CASZ1: variants seen among roughly 807,000 people sequenced by gnomAD.
CASZ1 encodes the protein zinc finger protein castor homolog 1.
A neutral mutation model predicts 135.2 loss-of-function variants in CASZ1; 28 were observed. The ratio of observed to expected loss-of-function variants is 0.21; its 90% CI spans 0.15 to 0.28. The LOEUF (loss-of-function observed/expected upper bound fraction) is 0.28. Among genes scored for constraint, CASZ1 ranks in the 10% least tolerant of loss-of-function variants. CASZ1 has a pLI of 1.00. For synonymous variants in CASZ1, 1,068 were observed against 1,073.4 expected (o/e 0.99, Z 0.10); for missense variants, 2,161 against 2,453.3 (o/e 0.88, Z 2.52).
intron 7 of CASZ1, 84 bp downstream of exon 7, chr1:10,658,424 A>G (rs1642882894): frequency 8.9e-7 from 1 of 1,118,398 alleles, no homozygotes; most frequent in East Asian, 2.4e-5. Flanking sequence ...TAGAGGTCAG[A>G]TATCAAACGA....
At chr1:10,737,058 T>C (rs896185535) in intron 2 of CASZ1, among the ~76,000 whole-genome samples, 3 of 152,192 alleles carry the variant, frequency 2.0e-5, no homozygotes, top group African/African-American at 7.2e-5. Flanking sequence ...CGGATGTACA[T>C]GTGCAGTTCA....
chr1:10,758,893 C>T (rs1030282314), intron 2 of CASZ1, among the ~76,000 whole-genome samples: 1 of 152,140 alleles, frequency 6.6e-6, no homozygotes. Flanking sequence ...ACTCGGAGCC[C>T]GTGGAGTTCC....
At chr1:10,743,884 G>T (rs1362425690) in intron 2 of CASZ1, among the ~76,000 whole-genome samples, 2 of 150,404 alleles carry the variant, frequency 1.3e-5, no homozygotes, top group Admixed American at 6.6e-5. Flanking sequence ...GAGAGGAGCG[G>T]GGAGCATGGG....
intron 2 of CASZ1, among the ~76,000 whole-genome samples, chr1:10,740,319 C>G (rs181013962): frequency 1.3e-5 from 2 of 152,238 alleles, no homozygotes; most frequent in African/African-American, 4.8e-5. Flanking sequence ...CAGTGAGGAA[C>G]CTGAAGCCAG....
In CASZ1 at chr1:10,647,861, G is replaced by A. The variant is rs756123520; in HGVS notation, c.3437C>T (p.Thr1146Met). The change falls in exon 16 of 21, where the codon ACG becomes ATG. Residue 1146 changes from threonine to methionine, a missense_variant. Coordinates refer to ENST00000377022, the MANE Select transcript of CASZ1 (RefSeq NM_001079843.3). The surrounding 1 kb of genome is among the most constrained non-coding windows in gnomAD (Gnocchi z 4.9). ...VPHLPASPLA[T>M]TSLENAKPQV... ...GGGCTTGGCGTTCTCTAGAGAAGTC[G>A]TTGCCAAGGGCGAGGCGGGCAGGTG... 9.9e-6 allele frequency: 16 copies of A among 1,613,948 alleles called. No homozygotes were observed. The highest frequency in any genetic ancestry group is 1.3e-5 in the Non-Finnish European group (15 of 1,180,012).
chr1:10,691,139 C>T (rs1440173567), intron 4 of CASZ1, among the ~76,000 whole-genome samples: 2 of 131,702 alleles, frequency 1.5e-5, no homozygotes, highest in Non-Finnish European at 3.2e-5. Context: ...GGAATTTATT[C>T]CCAAACTCTC....
chr1:10,711,562 AGAAAAAATG>A lies in CASZ1; in HGVS notation c.-76-6027_-76-6019del, dbSNP rs1639286156. 6.6e-6 allele frequency among the ~76,000 whole-genome samples: 1 copy of A among 151,414 alleles called. No homozygotes were observed. The highest frequency in any genetic ancestry group is 1.5e-5 in the Non-Finnish European group (1 of 67,956). ...GCAATTCCATTCCCAGGCATATACC[AGAAAAAATG>A]GAAAACAGGTACTCAAAAAAAAAAA... is the stretch of plus-strand genomic sequence containing the variant. On this transcript the variant is annotated intron_variant, in intron 2 of 20. Transcript: ENST00000377022. The surrounding 1 kb of genome is among the most constrained non-coding windows in gnomAD (Gnocchi z 4.4).
intron 1 of CASZ1, among the ~76,000 whole-genome samples, chr1:10,783,338 A>G (rs1640797902): frequency 6.6e-6 from 1 of 150,962 alleles, no homozygotes; most frequent in South Asian, 2.1e-4. Flanking sequence ...CAGGGGCTCT[A>G]CCTCCCAAGA....
At chr1:10,758,306 C>T (rs959953335) in intron 2 of CASZ1, among the ~76,000 whole-genome samples, 2 of 147,562 alleles carry the variant, frequency 1.4e-5, no homozygotes, top group Admixed American at 1.4e-4. Flanking sequence ...CTGACAGACG[C>T]CAGACCCTCT....
intron 2 of CASZ1, among the ~76,000 whole-genome samples, chr1:10,746,519 C>T (rs1640044341): frequency 6.6e-6 from 1 of 152,232 alleles, no homozygotes; most frequent in South Asian, 2.1e-4. Context: ...GCCTTCCCAG[C>T]CCCATGGCTT....
rs963428239 is a variant in CASZ1, at chr1:10,639,143, CTCGTCG to C, written c.5073_5078del (p.Asp1691_Asp1692del). ...CGTCGTCCTCGTCGTCGTCCTCGTC[CTCGTCG>C]TCTTCGGCCTCCTCCTCCGGCAGCT... On this transcript the variant is annotated inframe_deletion, in exon 21 of 21. Coordinates refer to ENST00000377022, the MANE Select transcript of CASZ1 (RefSeq NM_001079843.3). This position sits in a 1 kb window ranked among gnomAD's most constrained non-coding sequence, Gnocchi z 4.0. The C allele has an allele frequency of 1.8e-6, 2 of 1,112,294 alleles. No individual in the cohort carries two copies. The highest frequency in any genetic ancestry group is 2.2e-6 in the Non-Finnish European group (2 of 895,366). 68.9% of individuals were successfully genotyped at this position (1,112,294 alleles called of 1,614,324 possible). A position where few individuals can be genotyped will look rare whatever the true frequency, so the allele number is the denominator to read the frequency against.
intron 20 of CASZ1, among the ~76,000 whole-genome samples, chr1:10,642,519 A>G (rs1336806537): frequency 6.6e-6 from 1 of 151,734 alleles, no homozygotes; most frequent in African/African-American, 2.4e-5. Flanking sequence ...GCCAGGGGTC[A>G]CGTGGGCAGG....
In CASZ1 at chr1:10,649,266, G is replaced by A. The variant is rs759053477; in HGVS notation, c.3035+17C>T. 32 of 1,602,088 alleles carry A rather than the reference G, an allele frequency of 2.0e-5. No individual in the cohort carries two copies. The South Asian group carries it at 2.1e-4, about 11-fold the overall frequency. Reference sequence around the variant, plus strand: ...GTGCGGGGGGACGATGGGTGGACGCGGCCAGCAGCCCCTCACCTGCGCAGG... The same window carrying A: ...GTGCGGGGGGACGATGGGTGGACGCAGCCAGCAGCCCCTCACCTGCGCAGG... On this transcript the variant is annotated intron_variant, in intron 14 of 20. Coordinates refer to ENST00000377022, the MANE Select transcript of CASZ1 (RefSeq NM_001079843.3).
At chr1:10,681,570 C>G (rs145454667) in intron 4 of CASZ1, among the ~76,000 whole-genome samples, 51 of 152,362 alleles carry the variant, frequency 3.3e-4, no homozygotes, top group African/African-American at 1.2e-3. Flanking sequence ...TCACTGCACC[C>G]TGTCCTAGTC....
rs1341491664 is a variant in CASZ1, at chr1:10,666,443, A to G, written c.17-872T>C. On this transcript the variant is annotated intron_variant, in intron 4 of 20. Transcript: ENST00000377022. The surrounding 1 kb of genome is among the most constrained non-coding windows in gnomAD (Gnocchi z 5.2). ...TCCTAGGGCCACTTGTCCCTATCCT[A>G]GGACCTTGCTCCCCAGCCTCGGCCA... Among the ~76,000 whole-genome samples the G allele has an allele frequency of 2.0e-5, 3 of 152,154 alleles. No homozygotes were observed. The highest frequency in any genetic ancestry group is 1.9e-4 in the East Asian group (1 of 5,170).
intron 2 of CASZ1, among the ~76,000 whole-genome samples, chr1:10,716,098 C>CT (rs1639387097): frequency 7.3e-6 from 1 of 137,788 alleles, no homozygotes; most frequent in East Asian, 2.3e-4. Context: ...ACCCAATCCA[C>CT]ACCCACAGCA....
intron 2 of CASZ1, among the ~76,000 whole-genome samples, chr1:10,740,102 A>G (rs561928055): frequency 1.3e-5 from 2 of 152,330 alleles, no homozygotes; most frequent in Admixed American, 6.5e-5. Context: ...GTTAGGTTTT[A>G]GTTCACTCAC....
At chr1:10,784,305 T>C (rs1640816908) in intron 1 of CASZ1, among the ~76,000 whole-genome samples, 1 of 152,112 alleles carries the variant, frequency 6.6e-6, no homozygotes, top group Non-Finnish European at 1.5e-5. Context: ...TAGCCCAAGT[T>C]TGAGGGAAGC....
chr1:10,772,783 C>T (rs1640598255), intron 1 of CASZ1, among the ~76,000 whole-genome samples: 1 of 152,194 alleles, frequency 6.6e-6, no homozygotes, highest in African/African-American at 2.4e-5. Flanking sequence ...AGGGCAGAAC[C>T]CCACGCTGGC....
Sources: gnomAD v4.1 joint callset for allele counts (sites outside exome capture counted in the v4.1 genomes callset) on GRCh38, gnomAD v4.1.1 for gene constraint, Gnocchi (gnomAD v3.1) non-coding constraint, MANE v1.5 for transcripts, NCBI Gene and HGNC (gene_info 2026-07-23, HGNC 2026-07-21) for gene names.